The following RBFOX1 variants were observed in gnomAD, a reference collection of about 807,000 sequenced individuals.
RBFOX1 encodes RNA binding protein fox-1 homolog 1.
RBFOX1 carries 8 observed loss-of-function variants against 57.7 expected under a neutral mutation model. That is an observed-to-expected ratio of 0.14 (90% CI 0.08 to 0.25). The LOEUF (loss-of-function observed/expected upper bound fraction) is 0.25. RBFOX1 is among the 10% of genes least tolerant of loss of function. The pLI is 1.00. For missense variants in RBFOX1, 611 were observed against 548.5 expected, an observed-to-expected ratio of 1.11 and a Z score of -1.14; for synonymous variants, 326 against 222.4, an observed-to-expected ratio of 1.47 and a Z score of -4.15.
intron 1 of RBFOX1, among the ~76,000 whole-genome samples, chr16:5,405,684 G>C (rs1328465948): frequency 6.6e-6 from 1 of 152,208 alleles, no homozygotes; most frequent in Non-Finnish European, 1.5e-5. Context: ...TTGGGTGGCA[G>C]GATGCTCATG....
intron 1 of RBFOX1, among the ~76,000 whole-genome samples, chr16:6,314,707 A>C (rs367663214): frequency 6.6e-6 from 1 of 152,158 alleles, no homozygotes; most frequent in African/African-American, 2.4e-5. Flanking sequence ...GGTAGCTATT[A>C]TTTTTAATAA....
In RBFOX1 at chr16:7,412,973, C is replaced by T. The variant is rs557586649; in HGVS notation, c.28-105174C>T. Among the ~76,000 whole-genome samples the T allele has an allele frequency of 2.6e-5, 4 of 152,136 alleles. No homozygotes were observed. In the South Asian group the frequency reaches 6.2e-4, roughly 24 times the overall value. ...AGGAGAATGGCGTGAACCCGGGAGGCGGAGCTTGCAGTGAGCCAAGATCAC... is the reference window on the plus strand; with the variant it reads ...AGGAGAATGGCGTGAACCCGGGAGGTGGAGCTTGCAGTGAGCCAAGATCAC... On this transcript the variant is annotated intron_variant, in intron 4 of 15. Transcript: ENST00000550418.
intron 3 of RBFOX1, among the ~76,000 whole-genome samples, chr16:5,848,748 A>C (rs942698916): frequency 7.9e-5 from 12 of 152,116 alleles, no homozygotes; most frequent in Admixed American, 3.9e-4. Flanking sequence ...GAAGTTCGAG[A>C]CCAGCCTGGC....
At chr16:5,358,836 G>GA (rs200197201) in intron 1 of RBFOX1, among the ~76,000 whole-genome samples, 2,153 of 152,058 alleles carry the variant, frequency 0.014, 30 homozygotes, top group Non-Finnish European at 0.023. Flanking sequence ...TCAAAAAAAA[G>GA]AAAAAAAGTG....
At chr16:5,320,236 G>A (rs1370671496) in intron 1 of RBFOX1, among the ~76,000 whole-genome samples, 1 of 152,194 alleles carries the variant, frequency 6.6e-6, no homozygotes, top group African/African-American at 2.4e-5. Context: ...AGGGCTTATG[G>A]GAGAAATGGT....
intron 4 of RBFOX1, among the ~76,000 whole-genome samples, chr16:6,000,844 G>A (rs1349449873): frequency 1.4e-5 from 2 of 146,544 alleles, no homozygotes; most frequent in Admixed American, 1.4e-4. Flanking sequence ...TGGGTGGGTA[G>A]GTGGGTGGAC....
At chr16:6,702,287 C>G (rs1257971070) in intron 3 of RBFOX1, among the ~76,000 whole-genome samples, 3 of 152,160 alleles carry the variant, frequency 2.0e-5, no homozygotes, top group Admixed American at 1.3e-4. Context: ...GCCGTGGTGG[C>G]TCATGCCTGT....
At chr16:7,311,076 C>CT (rs1002818482) in intron 4 of RBFOX1, among the ~76,000 whole-genome samples, 6 of 152,076 alleles carry the variant, frequency 3.9e-5, no homozygotes, top group East Asian at 3.9e-4. Context: ...CTTTGTGATG[C>CT]TTTTTTTTCC....
intron 1 of RBFOX1, among the ~76,000 whole-genome samples, chr16:5,425,596 C>T (rs908150861): frequency 2.0e-5 from 3 of 152,174 alleles, no homozygotes; most frequent in African/African-American, 7.2e-5. Flanking sequence ...ATTCCCACAT[C>T]CAAGAAAGAG....
At chr16:6,167,008 C>T (rs544903510) in intron 1 of RBFOX1, among the ~76,000 whole-genome samples, 10 of 152,204 alleles carry the variant, frequency 6.6e-5, no homozygotes, top group African/African-American at 2.4e-4. Context: ...CTCCTGACCT[C>T]ATGTTCTGCC....
intron 2 of RBFOX1, among the ~76,000 whole-genome samples, chr16:6,502,437 T>A (rs2095964080): frequency 6.6e-6 from 1 of 152,204 alleles, no homozygotes; most frequent in African/African-American, 2.4e-5. Flanking sequence ...GCAAGTTATT[T>A]AATCTCTTTA....
chr16:5,370,778 C>G (rs1030855871), intron 1 of RBFOX1, among the ~76,000 whole-genome samples: 26 of 152,242 alleles, frequency 1.7e-4, no homozygotes, highest in African/African-American at 6.0e-4. Flanking sequence ...TGGCTGTGAG[C>G]CAGCATGCCT....
At chr16:7,196,856 A>C (rs1486830287) in intron 4 of RBFOX1, among the ~76,000 whole-genome samples, 1 of 152,152 alleles carries the variant, frequency 6.6e-6, no homozygotes, top group African/African-American at 2.4e-5. Context: ...GTGCAAAGGG[A>C]AAAGGAAATG....
chr16:5,801,617 C>T (rs1227000393), intron 3 of RBFOX1, among the ~76,000 whole-genome samples: 1 of 152,016 alleles, frequency 6.6e-6, no homozygotes, highest in African/African-American at 2.4e-5. Context: ...TAACTAGGCA[C>T]ACACAAAAAA....
intron 3 of RBFOX1, among the ~76,000 whole-genome samples, chr16:6,695,336 A>C (rs1385096336): frequency 1.4e-5 from 2 of 146,888 alleles, no homozygotes; most frequent in Admixed American, 1.4e-4. Context: ...GAATCGCTTG[A>C]ACCCAACAGG....
intron 3 of RBFOX1, among the ~76,000 whole-genome samples, chr16:6,788,002 C>T (rs1278681657): frequency 6.6e-6 from 1 of 152,014 alleles, no homozygotes; most frequent in Non-Finnish European, 1.5e-5. Flanking sequence ...GTGGGGGGAC[C>T]GCTTGAGGTC....
In RBFOX1 at chr16:7,621,493, C is replaced by T. The variant is rs538444088; in HGVS notation, c.677-9110C>T. ...TCCAGGCTGGTCTTGAACTCCTGGCCTCAAGTGATCCTCCTGCCTTGGCTT... is the reference window on the plus strand; with the variant it reads ...TCCAGGCTGGTCTTGAACTCCTGGCTTCAAGTGATCCTCCTGCCTTGGCTT... On this transcript the variant is annotated intron_variant, in intron 10 of 15. Transcript: ENST00000550418. 5.9e-5 allele frequency among the ~76,000 whole-genome samples: 9 copies of T among 152,188 alleles called. No individual in the cohort carries two copies. In the East Asian group the frequency reaches 1.7e-3, roughly 29 times the overall value.
intron 14 of RBFOX1, among the ~76,000 whole-genome samples, chr16:7,706,943 C>T (rs147664528): frequency 2.1e-3 from 326 of 152,176 alleles, no homozygotes; most frequent in African/African-American, 6.5e-3. Flanking sequence ...GCCCTTGGAC[C>T]GATACCTGTT....
chr16:7,001,169 C>G (rs1439484393), intron 3 of RBFOX1, among the ~76,000 whole-genome samples: 1 of 152,130 alleles, frequency 6.6e-6, no homozygotes, highest in Middle Eastern at 3.2e-3. Flanking sequence ...AGTTTGCTTG[C>G]ATATTCCAAA....
Sources: allele counts gnomAD v4.1 joint callset (sites outside exome capture counted in the v4.1 genomes callset), GRCh38; gene constraint gnomAD v4.1.1; transcripts MANE v1.5; gene names NCBI Gene and HGNC (gene_info 2026-07-23, HGNC 2026-07-21).